NOVA1: variants seen among roughly 807,000 people sequenced by gnomAD.
NOVA1 encodes RNA-binding protein Nova-1.
Under a neutral mutation model 38.0 loss-of-function variants are expected in NOVA1, and 7 were observed. The ratio of observed to expected loss-of-function variants is 0.18; its 90% CI spans 0.10 to 0.35. The LOEUF is 0.35. Among genes scored for constraint, NOVA1 ranks in the 10% least tolerant of loss-of-function variants. The probability of loss-of-function intolerance (pLI) is 1.00; values close to 1 mark genes in which losing one functional copy is unlikely to be tolerated. For missense variants in NOVA1, 460 were observed against 616.0 expected, an observed-to-expected ratio of 0.75 and a Z score of 2.68; for synonymous variants, 270 against 232.5, an observed-to-expected ratio of 1.16 and a Z score of -1.47.
intron 2 of NOVA1, among the ~76,000 whole-genome samples, chr14:26,561,555 A>C (rs1485519044): frequency 2.0e-5 from 3 of 152,188 alleles, no homozygotes; most frequent in African/African-American, 7.2e-5. Context: ...GCAGGAAGGC[A>C]ATAGGTTTCT....
chr14:26,449,179 A>G (rs1258816626), intron 4 of NOVA1, among the ~76,000 whole-genome samples: 2 of 152,154 alleles, frequency 1.3e-5, no homozygotes, highest in Non-Finnish European at 2.9e-5. Context: ...TTCAGGTCAA[A>G]ATTATTAAAT....
chr14:26,539,056 A>G (rs987295577), intron 2 of NOVA1, among the ~76,000 whole-genome samples: 20 of 152,212 alleles, frequency 1.3e-4, no homozygotes, highest in African/African-American at 4.3e-4. Context: ...TACCCCCAAG[A>G]TATTTTATAC....
intron 2 of NOVA1, among the ~76,000 whole-genome samples, chr14:26,538,219 TAC>T (rs1214624918): frequency 6.6e-6 from 1 of 151,898 alleles, no homozygotes; most frequent in Non-Finnish European, 1.5e-5. Context: ...AACTGAAAAA[TAC>T]AGTTGGTTAA....
At chr14:26,477,520 G>A (rs1265872947) in intron 3 of NOVA1, among the ~76,000 whole-genome samples, 1 of 152,056 alleles carries the variant, frequency 6.6e-6, no homozygotes, top group African/African-American at 2.4e-5. Context: ...ACTTGTCTGA[G>A]AACCCACTCA....
chr14:26,471,318 C>T lies in NOVA1; in HGVS notation c.519+1002G>A, dbSNP rs375089277. 7.1e-4 allele frequency among the ~76,000 whole-genome samples: 107 copies of T among 151,678 alleles called. 1 individual carries two copies. The East Asian group carries it at 7.5e-3, about 11-fold the overall frequency. Reference sequence around the variant, plus strand: ...TCTGATAGTCTTATATTAGATAATACGCAAAAGCCACATTTAATATATTTA... The same window carrying T: ...TCTGATAGTCTTATATTAGATAATATGCAAAAGCCACATTTAATATATTTA... On this transcript the variant is annotated intron_variant, in intron 4 of 4. Coordinates refer to ENST00000539517, the MANE Select transcript of NOVA1 (RefSeq NM_002515.3).
chr14:26,460,553 TG>T (rs771284637), intron 4 of NOVA1, among the ~76,000 whole-genome samples: 149 of 152,128 alleles, frequency 9.8e-4, no homozygotes, highest in Non-Finnish European at 1.3e-3. Context: ...ATAAGAAATA[TG>T]AGCTAAACCA....
intron 2 of NOVA1, among the ~76,000 whole-genome samples, chr14:26,541,570 G>A (rs1460173900): frequency 6.8e-6 from 1 of 147,236 alleles, no homozygotes; most frequent in Non-Finnish European, 1.5e-5. Flanking sequence ...CATACTAGAT[G>A]CATGCCAAAA....
chr14:26,448,129 C>T lies in NOVA1; in HGVS notation c.1354G>A (p.Gly452Ser). 1 of 1,614,144 alleles carries T rather than the reference C, an allele frequency of 6.2e-7. No homozygotes were observed. The highest frequency in any genetic ancestry group is 8.5e-7 in the Non-Finnish European group (1 of 1,180,020). Residue 452 changes from glycine to serine, a missense_variant, in exon 5 of 5, where the codon GGT becomes AGT. Physicochemically the swap from Gly to Ser is moderately conservative, Grantham distance 56 (BLOSUM62 0). Transcript: ENST00000539517. This position sits in a 1 kb window ranked among gnomAD's most constrained non-coding sequence, Gnocchi z 5.3. Reference protein sequence around the residue: ...KTLVEYQELTGARIQISKKGE... With the variant: ...KTLVEYQELTSARIQISKKGE... ...TTTTTGGAGATCTGTATCCTTGCAC[C>T]AGTCAACTCCTGGTATTCCACTAAT...
intron 2 of NOVA1, among the ~76,000 whole-genome samples, chr14:26,590,059 G>GTCCAA (rs1893753061): frequency 6.6e-6 from 1 of 151,850 alleles, no homozygotes; most frequent in Admixed American, 6.6e-5. Context: ...CACCAGTCCA[G>GTCCAA]TCCAATTACC....
At chr14:26,586,394 G>A (rs1469803489) in intron 2 of NOVA1, among the ~76,000 whole-genome samples, 4 of 151,054 alleles carry the variant, frequency 2.6e-5, no homozygotes, top group African/African-American at 4.8e-5. Context: ...TTTTTACTAC[G>A]TTGCCTTACA....
At chr14:26,513,622 TGAAA>T (rs541441169) in intron 2 of NOVA1, among the ~76,000 whole-genome samples, 422 of 151,630 alleles carry the variant, frequency 2.8e-3, no homozygotes, top group Non-Finnish European at 4.4e-3. Flanking sequence ...AAAAATACAA[TGAAA>T]GAAAGTACAA....
At chr14:26,520,802 T>C (rs1411671535) in intron 2 of NOVA1, among the ~76,000 whole-genome samples, 1 of 152,160 alleles carries the variant, frequency 6.6e-6, no homozygotes, top group African/African-American at 2.4e-5. Context: ...AGAGTTTTAA[T>C]TCTCATTTTA....
intron 2 of NOVA1, chr14:26,549,657 G>A (rs1344192820): frequency 1.8e-6 from 2 of 1,081,844 alleles, no homozygotes; most frequent in African/African-American, 1.6e-5. Flanking sequence ...TTCCAGTCTA[G>A]GGCAGGTACA....
intron 2 of NOVA1, among the ~76,000 whole-genome samples, chr14:26,589,037 C>T (rs1312648834): frequency 6.6e-6 from 1 of 151,392 alleles, no homozygotes; most frequent in East Asian, 1.9e-4. Context: ...AACTTAACTA[C>T]TCTTTGGTAA....
At chr14:26,592,085 A>G (rs997144878) in intron 2 of NOVA1, among the ~76,000 whole-genome samples, 2 of 151,536 alleles carry the variant, frequency 1.3e-5, no homozygotes, top group Non-Finnish European at 3.0e-5. Flanking sequence ...AATCTAAGGA[A>G]TACACGAAAA....
chr14:26,584,324 C>A (rs918802343), intron 2 of NOVA1, among the ~76,000 whole-genome samples: 1 of 151,408 alleles, frequency 6.6e-6, no homozygotes, highest in Non-Finnish European at 1.5e-5. Flanking sequence ...AGAATCCAAT[C>A]GTATACTCAA....
chr14:26,518,184 A>T (rs1377817363), intron 2 of NOVA1, among the ~76,000 whole-genome samples: 1 of 152,062 alleles, frequency 6.6e-6, no homozygotes, highest in African/African-American at 2.4e-5. Flanking sequence ...AAGATGAAGA[A>T]AGTATTTTAA....
intron 4 of NOVA1, among the ~76,000 whole-genome samples, chr14:26,457,444 C>T (rs1364973828): frequency 6.6e-6 from 1 of 152,054 alleles, no homozygotes; most frequent in Non-Finnish European, 1.5e-5. Flanking sequence ...GGTGATCTTA[C>T]AGGATTATAA....
rs1882053034 is a variant in NOVA1, at chr14:26,446,183, T to TA, written c.*1775dup. 1 of 152,570 alleles carries TA rather than the reference T, an allele frequency of 6.6e-6. No individual in the cohort carries two copies. The highest frequency in any genetic ancestry group is 1.5e-5 in the Non-Finnish European group (1 of 68,030). 9.5% of individuals were successfully genotyped at this position (152,570 alleles called of 1,614,324 possible). A position where few individuals can be genotyped will look rare whatever the true frequency, so the allele number is the denominator to read the frequency against. The stretch of plus-strand genomic sequence containing the variant: ...AAAAAAAAAAAAATGAGTCTACTCT[T>TA]ACAGTTTGACAGAAATGAATTATTA... On this transcript the variant is annotated 3_prime_UTR_variant, in exon 5 of 5. Transcript: ENST00000539517.
Sources: gnomAD v4.1 joint callset for allele counts (sites outside exome capture counted in the v4.1 genomes callset) on GRCh38, gnomAD v4.1.1 for gene constraint, Gnocchi (gnomAD v3.1) non-coding constraint, MANE v1.5 for transcripts, NCBI Gene and HGNC (gene_info 2026-07-23, HGNC 2026-07-21) for gene names.